LINGO2: variants seen among roughly 807,000 people sequenced by gnomAD.
LINGO2 encodes leucine rich repeat and Ig domain containing 2.
LINGO2 carries 14 observed loss-of-function variants against 30.6 expected under a neutral mutation model. The ratio of observed to expected loss-of-function variants is 0.46; its 90% CI spans 0.30 to 0.72. LINGO2 has a LOEUF of 0.72. LINGO2 is among the 30% of genes least tolerant of loss of function. The pLI is 0.07. For missense variants in LINGO2, 729 were observed against 751.7 expected, an observed-to-expected ratio of 0.97 and a Z score of 0.35; for synonymous variants, 317 against 288.5, an observed-to-expected ratio of 1.10 and a Z score of -1.00.
At chr9:29,207,498 C>A in the LINGO2 span, among the ~76,000 whole-genome samples, 5 of 152,074 alleles carry the variant, frequency 3.3e-5, no homozygotes, top group African/African-American at 1.2e-4. Context: ...TACCTAGAAA[C>A]TGAATGTGCT....
intron 1 of LINGO2, among the ~76,000 whole-genome samples, chr9:28,544,320 C>T (rs1216129997): frequency 6.6e-6 from 1 of 152,082 alleles, no homozygotes. Flanking sequence ...TCTGAGACTT[C>T]ATAAATTAAA....
chr9:28,843,646 C>T, the LINGO2 span, among the ~76,000 whole-genome samples: 2 of 151,730 alleles, frequency 1.3e-5, no homozygotes, highest in South Asian at 4.2e-4. Context: ...TCAATTTTTG[C>T]TCAGGAAAAT....
chr9:28,523,833 T>A (rs1199113369), intron 1 of LINGO2, among the ~76,000 whole-genome samples: 1 of 150,890 alleles, frequency 6.6e-6, no homozygotes, highest in Non-Finnish European at 1.5e-5. Context: ...ATTATTAAGA[T>A]GGCAATTCCG....
At chr9:28,231,680 T>A (rs1821361128) in intron 4 of LINGO2, among the ~76,000 whole-genome samples, 2 of 152,084 alleles carry the variant, frequency 1.3e-5, no homozygotes, top group Non-Finnish European at 2.9e-5. Context: ...GTTATTTATG[T>A]TAATGGTTTT....
the LINGO2 span, among the ~76,000 whole-genome samples, chr9:28,753,439 G>C: frequency 1.3e-5 from 2 of 152,132 alleles, no homozygotes; most frequent in African/African-American, 4.8e-5. Flanking sequence ...AAGCAAATTA[G>C]CTACTCTCTT....
chr9:28,542,970 C>T (rs540096610), intron 1 of LINGO2, among the ~76,000 whole-genome samples: 2 of 151,792 alleles, frequency 1.3e-5, no homozygotes, highest in South Asian at 4.2e-4. Context: ...GTGTAGGGCA[C>T]AGAAAACAAC....
chr9:28,244,261 A>C (rs1352149906), intron 4 of LINGO2, among the ~76,000 whole-genome samples: 1 of 152,192 alleles, frequency 6.6e-6, no homozygotes, highest in Non-Finnish European at 1.5e-5. Flanking sequence ...GAAATCAAGA[A>C]GTTCTTTGAA....
chr9:28,299,280 T>C (rs902117363), intron 3 of LINGO2, among the ~76,000 whole-genome samples: 1 of 152,108 alleles, frequency 6.6e-6, no homozygotes, highest in Non-Finnish European at 1.5e-5. Flanking sequence ...CATTTTCCCA[T>C]ACTAACACAG....
At chr9:28,051,289 A>G (rs777872105) in intron 4 of LINGO2, among the ~76,000 whole-genome samples, 2 of 152,102 alleles carry the variant, frequency 1.3e-5, no homozygotes, top group Non-Finnish European at 2.9e-5. Context: ...GGTCAAGTTC[A>G]TAAAACATAT....
chr9:28,232,863 A>T (rs941349489), intron 4 of LINGO2, among the ~76,000 whole-genome samples: 1 of 150,686 alleles, frequency 6.6e-6, no homozygotes, highest in African/African-American at 2.4e-5. Context: ...CATCTGGGGA[A>T]AAAAAAAGGC....
chr9:28,916,873 C>A, the LINGO2 span, among the ~76,000 whole-genome samples: 1 of 152,184 alleles, frequency 6.6e-6, no homozygotes, highest in Non-Finnish European at 1.5e-5. Flanking sequence ...TGTCTTCCAC[C>A]TTTCTGTGGT....
chr9:29,110,530 C>T, the LINGO2 span, among the ~76,000 whole-genome samples: 1 of 151,508 alleles, frequency 6.6e-6, no homozygotes, highest in Non-Finnish European at 1.5e-5. Flanking sequence ...GACTGGGTTT[C>T]ACCGTGTTAG....
intron 2 of LINGO2, among the ~76,000 whole-genome samples, chr9:28,432,325 TG>T (rs1420975095): frequency 6.6e-6 from 1 of 151,994 alleles, no homozygotes; most frequent in Non-Finnish European, 1.5e-5. Flanking sequence ...AAAGACACTA[TG>T]TGAGCTGAAG....
chr9:28,475,244 C>G (rs900220272), intron 2 of LINGO2, among the ~76,000 whole-genome samples: 2 of 152,080 alleles, frequency 1.3e-5, no homozygotes, highest in African/African-American at 4.8e-5. Flanking sequence ...TCATCATATA[C>G]TAAGTAATAA....
chr9:27,950,765 G>A (rs569553383), intron 5 of LINGO2, 59 bp from the exon 7 acceptor site: 17 of 973,240 alleles, frequency 1.7e-5, no homozygotes, highest in African/African-American at 1.6e-4. Context: ...ATAAATAGGT[G>A]AAGGGGCATA....
At chr9:28,019,876 T>G (rs978221364) in intron 4 of LINGO2, among the ~76,000 whole-genome samples, 6 of 152,176 alleles carry the variant, frequency 3.9e-5, no homozygotes, top group African/African-American at 1.4e-4. Context: ...ACTCAAGTTC[T>G]TCCTACTTGT....
At chr9:28,082,937 C>T (rs16912472) in intron 4 of LINGO2, among the ~76,000 whole-genome samples, 60,754 of 151,890 alleles carry the variant, frequency 0.4, 12,449 homozygotes, top group East Asian at 0.66. Context: ...TCTTAATGAC[C>T]CACACTGATC....
the LINGO2 span, among the ~76,000 whole-genome samples, chr9:28,993,222 A>G: frequency 6.6e-6 from 1 of 151,932 alleles, no homozygotes; most frequent in Admixed American, 6.6e-5. Context: ...CTACCATCAG[A>G]GAATACTACA....
chr9:28,943,134 GTAAAGAC>G, the LINGO2 span, among the ~76,000 whole-genome samples: 1 of 152,138 alleles, frequency 6.6e-6, no homozygotes, highest in South Asian at 2.1e-4. Flanking sequence ...AAGGGCTAAG[GTAAAGAC>G]GCAATCTCAG....
Sources: allele counts gnomAD v4.1 joint callset (sites outside exome capture counted in the v4.1 genomes callset), GRCh38; gene constraint gnomAD v4.1.1; transcripts MANE v1.5; gene names NCBI Gene and HGNC (gene_info 2026-07-23, HGNC 2026-07-21).